PDE10A: variants seen among roughly 807,000 people sequenced by gnomAD.
The protein encoded by PDE10A is phosphodiesterase 10A.
A neutral mutation model predicts 97.7 loss-of-function variants in PDE10A; 39 were observed. The observed-to-expected ratio is 0.40, with a 90% confidence interval of 0.31 to 0.52. The LOEUF (loss-of-function observed/expected upper bound fraction) is 0.52, where lower values mean the gene tolerates loss of function less well. Ranked by LOEUF, PDE10A falls within the 20% of genes least tolerant of loss-of-function variation. The pLI is 0.56. For missense variants in PDE10A, 731 were observed against 1,047.8 expected, an observed-to-expected ratio of 0.70 and a Z score of 4.17; for synonymous variants, 371 against 376.8, an observed-to-expected ratio of 0.98 and a Z score of 0.18.
At chr6:165,623,800 G>A (rs1032016343) in intron 1 of PDE10A, among the ~76,000 whole-genome samples, 19 of 152,062 alleles carry the variant, frequency 1.2e-4, no homozygotes, top group Non-Finnish European at 4.4e-5. Flanking sequence ...CCCCAATCAT[G>A]AATATGTCCC....
At chr6:165,517,646 T>C (rs1002158420) in intron 2 of PDE10A, among the ~76,000 whole-genome samples, 16 of 152,148 alleles carry the variant, frequency 1.1e-4, no homozygotes, top group Admixed American at 9.2e-4. Flanking sequence ...CACTGCATGA[T>C]GTCATTCACA....
intron 1 of PDE10A, among the ~76,000 whole-genome samples, chr6:165,953,378 G>T (rs1316199507): frequency 5.9e-5 from 9 of 152,128 alleles, no homozygotes; most frequent in Admixed American, 2.6e-4. Flanking sequence ...ATCACCTGAG[G>T]TCAGGAGTTC....
At position 165,815,144 on chromosome 6, in the gene PDE10A, C is replaced by T. The variant is rs186060421; in HGVS notation, c.-615+172385G>A. Among the ~76,000 whole-genome samples the T allele has an allele frequency of 7.2e-4, 110 of 152,286 alleles. 2 individuals carry two copies. In the South Asian group the frequency reaches 0.018, roughly 26 times the overall value. ...AGAGGCTCTCTTTCGTCATCATGCA[C>T]GCCAGTGCCCTGGGCCCAGCTCCTT... On this transcript the variant is annotated intron_variant, in intron 1 of 19. Coordinates refer to the PDE10A transcript ENST00000366882.
intron 1 of PDE10A, among the ~76,000 whole-genome samples, chr6:165,573,278 T>G (rs1411534739): frequency 6.2e-3 from 3 of 484 alleles, no homozygotes; most frequent in Admixed American, 0.05. Context: ...ATGTCTGGGT[T>G]TTTTTTTTTT....
chr6:165,948,492 C>T (rs955513050), intron 1 of PDE10A: 2 of 152,286 alleles, frequency 1.3e-5, no homozygotes, highest in Non-Finnish European at 2.9e-5. Flanking sequence ...TGGGAGGAGA[C>T]CTCATGGAGT....
intron 1 of PDE10A, among the ~76,000 whole-genome samples, chr6:165,758,826 A>C (rs1054462552): frequency 7.9e-5 from 12 of 152,346 alleles, no homozygotes; most frequent in Admixed American, 2.6e-4. Flanking sequence ...TGGTGTGCAC[A>C]GTCTCCACTT....
In PDE10A at chr6:165,701,647, ATG is replaced by A. The variant is rs59041111; in HGVS notation, c.-614-158081_-614-158080del. Among the ~76,000 whole-genome samples the A allele has an allele frequency of 4.6e-3, 685 of 149,668 alleles. 8 individuals carry two copies. The highest frequency in any genetic ancestry group is 0.014 in the African/African-American group (563 of 40,678). On this transcript the variant is annotated intron_variant, in intron 1 of 19. Transcript: ENST00000366882. Reference sequence around the variant, plus strand: ...GTGGGGGATGGTCTACTCTTCATGTATGTGTGTGTGTGTGTGCATGTATGTTT... The same window carrying A: ...GTGGGGGATGGTCTACTCTTCATGTATGTGTGTGTGTGTGCATGTATGTTT...
chr6:165,526,448 G>A (rs573883618), intron 2 of PDE10A, among the ~76,000 whole-genome samples: 1 of 152,264 alleles, frequency 6.6e-6, no homozygotes, highest in East Asian at 1.9e-4. Flanking sequence ...CTATTATGGT[G>A]AGAAAGGTCC....
intron 13 of PDE10A, among the ~76,000 whole-genome samples, chr6:165,396,988 G>A (rs1281684108): frequency 6.6e-6 from 1 of 152,238 alleles, no homozygotes; most frequent in East Asian, 1.9e-4. Context: ...TGAATTTGGG[G>A]TGTTATTGGT....
chr6:165,762,020 T>C (rs946717822), intron 1 of PDE10A, among the ~76,000 whole-genome samples: 1 of 152,228 alleles, frequency 6.6e-6, no homozygotes, highest in Non-Finnish European at 1.5e-5. Flanking sequence ...GTTACCTTTG[T>C]CTTATATGAG....
At chr6:165,437,677 C>T (rs1172492718) in intron 5 of PDE10A, among the ~76,000 whole-genome samples, 3 of 152,176 alleles carry the variant, frequency 2.0e-5, no homozygotes, top group Non-Finnish European at 4.4e-5. Flanking sequence ...AGGATAAATG[C>T]TAACCAAACA....
intron 1 of PDE10A, among the ~76,000 whole-genome samples, chr6:165,829,096 G>A (rs962010303): frequency 6.6e-6 from 1 of 152,184 alleles, no homozygotes; most frequent in Non-Finnish European, 1.5e-5. Flanking sequence ...GAAGATGGAG[G>A]GTAAGAAATG....
intron 1 of PDE10A, among the ~76,000 whole-genome samples, chr6:165,724,134 C>T (rs778759185): frequency 1.1e-4 from 16 of 152,332 alleles, no homozygotes; most frequent in Non-Finnish European, 2.1e-4. Context: ...AGGGCACACA[C>T]TGGGCATGGT....
At chr6:165,603,843 A>T (rs145178614) in intron 1 of PDE10A, among the ~76,000 whole-genome samples, 2 of 152,382 alleles carry the variant, frequency 1.3e-5, no homozygotes, top group Non-Finnish European at 2.9e-5. Flanking sequence ...CCACTAGGGA[A>T]CGGATGAATA....
intron 7 of PDE10A, among the ~76,000 whole-genome samples, chr6:165,431,898 G>T (rs1774013222): frequency 6.6e-6 from 1 of 151,892 alleles, no homozygotes; most frequent in South Asian, 2.1e-4. Context: ...CTACTTTTCG[G>T]TTTAACAAAA....
At chr6:165,592,066 C>T (rs532318233) in intron 1 of PDE10A, among the ~76,000 whole-genome samples, 1 of 152,274 alleles carries the variant, frequency 6.6e-6, no homozygotes, top group African/African-American at 2.4e-5. Flanking sequence ...TACTACAACG[C>T]TATAGTAACC....
intron 1 of PDE10A, among the ~76,000 whole-genome samples, chr6:165,751,254 C>A (rs1792993522): frequency 6.6e-6 from 1 of 152,224 alleles, no homozygotes; most frequent in African/African-American, 2.4e-5. Context: ...CTATGAGGCA[C>A]CCCTACATCT....
chr6:165,459,502 TAGATAGATAGATAGATAGATAGAC>T (rs1352192167), intron 3 of PDE10A, among the ~76,000 whole-genome samples: 2 of 48,112 alleles, frequency 4.2e-5, no homozygotes, highest in African/African-American at 1.9e-4. Context: ...GATAGATAGA[TAGATAGATAGATAGATAGATAGAC>T]AGACAGACAG....
chr6:165,612,178 GAA>G (rs929281251), intron 1 of PDE10A, among the ~76,000 whole-genome samples: 1 of 152,180 alleles, frequency 6.6e-6, no homozygotes, highest in Non-Finnish European at 1.5e-5. Flanking sequence ...GAGAATAAGA[GAA>G]AGTCTGTTTT....
Sources: allele counts gnomAD v4.1 joint callset (sites outside exome capture counted in the v4.1 genomes callset), GRCh38; gene constraint gnomAD v4.1.1; transcripts MANE v1.5; gene names NCBI Gene and HGNC (gene_info 2026-07-23, HGNC 2026-07-21).